Variants in MRPL43 observed in about 807,000 individuals in gnomAD.
MRPL43 encodes the protein large ribosomal subunit protein mL43.
In MRPL43, 9 loss-of-function variants were observed where a neutral mutation model predicts 12.7. The observed-to-expected ratio is 0.71, with a 90% confidence interval of 0.43 to 1.24. The LOEUF is 1.24. Among genes scored for constraint, MRPL43 ranks in the 50% most tolerant of loss-of-function variants. MRPL43 has a pLI of 0.00. For missense variants in MRPL43, 211 were observed against 229.2 expected (o/e 0.92, Z 0.51); for synonymous variants, 116 against 96.4 (o/e 1.20, Z -1.19).
chr10:100,987,274 C>A (rs1177792323), intron 1 of MRPL43, 39 bp downstream of exon 1: 4 of 1,611,702 alleles, frequency 2.5e-6, no homozygotes, highest in African/African-American at 2.7e-5. Flanking sequence ...CACCTCCACA[C>A]CCACCCCGAC....
rs377159778 is a variant in MRPL43 at position 100,986,797 on chromosome 10, C to A, written c.417G>T (p.Thr139=). The A allele has an allele frequency of 5.0e-6, 8 of 1,613,814 alleles. No individual in the cohort carries two copies. In the African/African-American group the frequency reaches 9.3e-5, roughly 19 times the overall value. The change falls in exon 3 of 3, where the codon ACG becomes ACT. Residue 139 remains threonine (T), a synonymous_variant. Coordinates refer to ENST00000318364, the MANE Select transcript of MRPL43 (RefSeq NM_032112.3). ...QWHPFTNKPT[T]FRGLRPREVQ... ...CCTCTCGGGGGCGTAGCCCGCGGAA[C>A]GTGGTCGGCTTGTTGGTGAAGGGGT...
chr10:100,983,280 C>T (rs374271802), downstream of MRPL43: 3 of 1,504,272 alleles, frequency 2.0e-6, no homozygotes, highest in Non-Finnish European at 2.7e-6. Context: ...CGGGCTGGTA[C>T]TGACCTCTCC....
At chr10:100,984,875 G>A (rs866465441), downstream of MRPL43, 2 of 1,480,532 alleles carry the variant, frequency 1.4e-6, no homozygotes, top group Middle Eastern at 1.7e-4. Flanking sequence ...ACTCTCCTTG[G>A]TCATTCTCAA....
downstream of MRPL43, chr10:100,984,990 A>G: frequency 2.3e-6 from 3 of 1,319,100 alleles, no homozygotes; most frequent in Non-Finnish European, 3.0e-6. Context: ...TGCACCTCTG[A>G]GCCTCCCTTG....
Position 100,987,163 on chromosome 10 carries a change from G to A in MRPL43, c.165C>T (p.Ala55=), listed in dbSNP as rs1590013247. The A allele has an allele frequency of 1.2e-6, 2 of 1,613,892 alleles. No homozygotes were observed. The highest frequency in any genetic ancestry group is 2.2e-5 in the East Asian group (1 of 44,884). Residue 55 remains alanine (A), a synonymous_variant, in exon 2 of 3, where the codon GCC becomes GCT. Transcript: ENST00000318364. ...EFVEREVIDF[A]RRNPGVVIYV... is the part of the protein sequence containing the mutation. ...ATATTACGACCCCTGGATTCCGTCGGGCGAAGTCGATCACCTCCCGCTCCA... is the reference window on the plus strand; with the variant it reads ...ATATTACGACCCCTGGATTCCGTCGAGCGAAGTCGATCACCTCCCGCTCCA...
chr10:100,979,528 G>A (rs904483105), downstream of MRPL43, among the ~76,000 whole-genome samples: 6 of 152,050 alleles, frequency 3.9e-5, no homozygotes, highest in Non-Finnish European at 8.8e-5. Flanking sequence ...GACTATAGGC[G>A]TGTGCCACCA....
At position 100,987,492 on chromosome 10, in the gene MRPL43, G is replaced by T. The variant is rs1273072171; in HGVS notation, c.-49C>A. On this transcript the variant is annotated 5_prime_UTR_variant, in exon 1 of 3. Coordinates refer to ENST00000318364, the MANE Select transcript of MRPL43 (RefSeq NM_032112.3). Reference sequence around the variant, plus strand: ...GCCTAAGCAGCGAGGAGAGGGGGGCGGGACTAAACCTCGAGGCTTCCGGTT... The same window carrying T: ...GCCTAAGCAGCGAGGAGAGGGGGGCTGGACTAAACCTCGAGGCTTCCGGTT... 3.1e-6 allele frequency: 5 copies of T among 1,596,224 alleles called. No individual in the cohort carries two copies. The South Asian group carries it at 5.5e-5, about 18-fold the overall frequency.
At position 100,987,208 on chromosome 10, in the gene MRPL43, G is replaced by C. The variant is rs1450637332; in HGVS notation, c.132-12C>G. 1 of 1,613,674 alleles carries C rather than the reference G, an allele frequency of 6.2e-7. No homozygotes were observed. Among genetic ancestry groups the C allele is most frequent in the Admixed American group, 1.7e-5 (1 of 60,026 alleles). ...GCTCCACGAACTCCCTAAGCGACCC[G>C]GGACAGTGAGCAGTATGACCCCTGA... On this transcript the variant is annotated splice_polypyrimidine_tract_variant and intron_variant, in intron 1 of 2. Transcript: ENST00000318364.
At chr10:100,978,611 C>A, downstream of MRPL43, 1 of 1,614,118 alleles carries the variant, frequency 6.2e-7, no homozygotes, top group Non-Finnish European at 8.5e-7. Flanking sequence ...TCCCTGAGAA[C>A]TGAGGAGACA....
chr10:100,981,175 C>T (rs375633368), downstream of MRPL43: 43 of 1,614,110 alleles, frequency 2.7e-5, no homozygotes, highest in Non-Finnish European at 2.5e-5. Context: ...CAGGACAGCA[C>T]TGATACAGGA....
chr10:100,987,416 AGCG>A lies in MRPL43; in HGVS notation c.25_27del (p.Arg9del). ...CCGTTGTGGAGAACGCTGGCCAAGA[AGCG>A]GCTCGGAGTCCCGCGCGCCGTCATA... On this transcript the variant is annotated inframe_deletion, in exon 1 of 3. Coordinates refer to ENST00000318364, the MANE Select transcript of MRPL43 (RefSeq NM_032112.3). 1 of 1,612,378 alleles carries A rather than the reference AGCG, an allele frequency of 6.2e-7. No individual in the cohort carries two copies. The highest frequency in any genetic ancestry group is 8.5e-7 in the Non-Finnish European group (1 of 1,179,876).
downstream of MRPL43, chr10:100,979,361 G>A (rs201261693): frequency 1.6e-4 from 261 of 1,605,778 alleles, 1 homozygote; most frequent in East Asian, 3.9e-3. Flanking sequence ...GATCCACTGT[G>A]GGGAGGTCTG....
downstream of MRPL43, chr10:100,981,032 T>C: frequency 6.3e-7 from 1 of 1,595,104 alleles, no homozygotes; most frequent in Non-Finnish European, 8.5e-7. Flanking sequence ...TCACATGTGG[T>C]CTGAGTGGAG....
chr10:100,981,235 T>G, downstream of MRPL43: 1 of 1,614,074 alleles, frequency 6.2e-7, no homozygotes, highest in Non-Finnish European at 8.5e-7. Flanking sequence ...TACAGGTAAG[T>G]GACTCATATG....
downstream of MRPL43, chr10:100,984,275 C>A (rs950718210): frequency 2.6e-5 from 37 of 1,440,300 alleles, no homozygotes; most frequent in African/African-American, 4.4e-4. Context: ...GTAGGGCTGG[C>A]CAGTCAGGCC....
At chr10:100,982,540 C>G (rs756601067), downstream of MRPL43, among the ~76,000 whole-genome samples, 1 of 152,130 alleles carries the variant, frequency 6.6e-6, no homozygotes, top group Non-Finnish European at 1.5e-5. Context: ...TGCCTATAAT[C>G]CAGCACTTTG....
downstream of MRPL43, chr10:100,980,500 GT>G: frequency 7.1e-7 from 1 of 1,411,352 alleles, no homozygotes; most frequent in Admixed American, 1.7e-5. Context: ...CTCCTGAGCT[GT>G]TCGTATTAGG....
chr10:100,982,043 G>A (rs1851106580), downstream of MRPL43, among the ~76,000 whole-genome samples: 1 of 140,802 alleles, frequency 7.1e-6, no homozygotes, highest in Non-Finnish European at 1.5e-5. Flanking sequence ...GGATAACAGA[G>A]TGAGACCTCA....
chr10:100,978,606 G>C (rs192790321), downstream of MRPL43: 11 of 1,614,006 alleles, frequency 6.8e-6, no homozygotes, highest in African/African-American at 1.2e-4. Flanking sequence ...CACACTCCCT[G>C]AGAACTGAGG....
Sources: gnomAD v4.1 joint callset for allele counts (sites outside exome capture counted in the v4.1 genomes callset) on GRCh38, gnomAD v4.1.1 for gene constraint, MANE v1.5 for transcripts, NCBI Gene and HGNC (gene_info 2026-07-23, HGNC 2026-07-21) for gene names.